The following FBXO31 variants were observed in gnomAD, a reference collection of about 807,000 sequenced individuals.
FBXO31 encodes F-box only protein 31.
Under a neutral mutation model 54.4 loss-of-function variants are expected in FBXO31, and 24 were observed. The observed-to-expected ratio is 0.44, with a 90% CI of 0.32 to 0.62. The LOEUF (loss-of-function observed/expected upper bound fraction) is 0.62. Among genes scored for constraint, FBXO31 ranks in the 20% least tolerant of loss-of-function variants. The probability of loss-of-function intolerance (pLI) is 0.05; values close to 1 mark genes in which losing one functional copy is unlikely to be tolerated. For synonymous variants in FBXO31, 388 were observed against 335.6 expected, an observed-to-expected ratio of 1.16 and a Z score of -1.71; for missense variants, 665 against 787.1, an observed-to-expected ratio of 0.84 and a Z score of 1.86.
chr16:87,333,774 C>T (rs1045413855), intron 8 of FBXO31, 112 bp downstream of exon 8: 5 of 1,471,214 alleles, frequency 3.4e-6, no homozygotes, highest in African/African-American at 2.9e-5. Flanking sequence ...CACCGGCTGC[C>T]GCCCTCTGTG....
At position 87,346,970 on chromosome 16, in the gene FBXO31, C is replaced by T. The variant is rs142633422; in HGVS notation, c.489+204G>A. Among the ~76,000 whole-genome samples, 930 of 152,300 alleles carry T rather than the reference C, an allele frequency of 6.1e-3. 8 individuals are homozygous for T. The highest frequency in any genetic ancestry group is 0.021 in the African/African-American group (874 of 41,560). On this transcript the variant is annotated intron_variant, in intron 3 of 8. Coordinates refer to ENST00000311635, the MANE Select transcript of FBXO31 (RefSeq NM_024735.5). This position sits in a 1 kb window ranked among gnomAD's most constrained non-coding sequence, Gnocchi z 4.2. ...AGAGTCCAAGGACGGGCCACAAGGC[C>T]GAAGTGTTGCTCTAAGCAAACCTTT...
At chr16:87,391,938 C>T (rs532466669), upstream of FBXO31, 333 of 154,330 alleles carry the variant, frequency 2.2e-3, 2 homozygotes, top group Non-Finnish European at 3.5e-3. Context: ...CATGTCCCTT[C>T]CTCTGACCCC....
intron 1 of FBXO31, among the ~76,000 whole-genome samples, chr16:87,382,154 A>C (rs888316476): frequency 6.6e-6 from 1 of 152,176 alleles, no homozygotes; most frequent in Non-Finnish European, 1.5e-5. Flanking sequence ...CATGGAAAAA[A>C]TGCAGACTTC....
Position 87,353,390 on chromosome 16 carries a change from G to A in FBXO31, c.413-6140C>T, listed in dbSNP as rs8057105. On this transcript the variant is annotated intron_variant, in intron 2 of 8. Transcript: ENST00000311635. ...CTGAGTGGTCTCCCTCAAAATTCAC[G>A]TCCCCTAGAACCTCAGAATGTGGCC... Among the ~76,000 whole-genome samples the A allele has an allele frequency of 8.8e-3, 1,337 of 152,292 alleles. 21 individuals are homozygous for A. Among genetic ancestry groups the A allele is most frequent in the African/African-American group, 0.029 (1,199 of 41,564 alleles).
rs1905988586 is a variant in FBXO31, at chr16:87,358,349, C to G, written c.412+1946G>C. 1 of 152,662 alleles carries G rather than the reference C, an allele frequency of 6.6e-6. No homozygotes were observed. The allele number at this position is 152,662 out of a possible 1,614,324, so 9.5% of individuals were successfully genotyped here. The stretch of plus-strand genomic sequence containing the variant: ...TCCCATGTGTGAATCAGAGGGCCCT[C>G]CCCATGCAGTTCTTGGCCGTGCTGG... On this transcript the variant is annotated intron_variant, in intron 2 of 8. Transcript: ENST00000311635. The surrounding 1 kb of genome is among the most constrained non-coding windows in gnomAD (Gnocchi z 4.0).
chr16:87,367,819 T>A (rs1330965132), intron 1 of FBXO31: 1 of 152,246 alleles, frequency 6.6e-6, no homozygotes, highest in African/African-American at 2.4e-5. Flanking sequence ...TTATGCCGCC[T>A]GAAGTCATAA....
chr16:87,390,732 A>C (rs1907505695), upstream of FBXO31, among the ~76,000 whole-genome samples: 1 of 151,908 alleles, frequency 6.6e-6, no homozygotes, highest in Non-Finnish European at 1.5e-5. Context: ...GAGTCGCCGC[A>C]CCTGGCGCGA....
In FBXO31 at chr16:87,365,510, C is replaced by T. The variant is rs552816344; in HGVS notation, c.341-5144G>A. On this transcript the variant is annotated intron_variant, in intron 1 of 8. Transcript: ENST00000311635. ...GCTCTGGGCGTGGTCCAGGGACCTG[C>T]AGCATGGCCTCCTTGGGAGCTCGGC... 4.6e-5 allele frequency among the ~76,000 whole-genome samples: 7 copies of T among 152,324 alleles called. No individual in the cohort carries two copies. The South Asian group carries it at 1.4e-3, about 32-fold the overall frequency.
intron 1 of FBXO31, among the ~76,000 whole-genome samples, chr16:87,373,653 C>T (rs1906700313): frequency 6.6e-6 from 1 of 152,004 alleles, no homozygotes; most frequent in Admixed American, 6.6e-5. Flanking sequence ...CTCCCTCAGC[C>T]TCCGGAGGAA....
chr16:87,372,101 G>A (rs1906628360), intron 1 of FBXO31, among the ~76,000 whole-genome samples: 1 of 152,046 alleles, frequency 6.6e-6, no homozygotes, highest in Non-Finnish European at 1.5e-5. Context: ...GCACATGCAT[G>A]TAGTCCTAGC....
At position 87,331,342 on chromosome 16, in the gene FBXO31, CGGCGCATCTGCGTTCCGGAAG is replaced by C; in HGVS notation, c.1545_1565del (p.Phe516_Pro522del). On this transcript the variant is annotated inframe_deletion, in exon 9 of 9. Transcript: ENST00000311635. ...GCATCTCATCGAAGGCCTGTGGGGA[CGGCGCATCTGCGTTCCGGAAG>C]GTGGCCTGGACCCGGCTGTACAGGC... is the stretch of plus-strand genomic sequence containing the variant. The C allele has an allele frequency of 6.2e-7, 1 of 1,613,990 alleles. No homozygotes were observed. Among genetic ancestry groups the C allele is most frequent in the Non-Finnish European group, 8.5e-7 (1 of 1,180,030 alleles).
upstream of FBXO31, among the ~76,000 whole-genome samples, chr16:87,386,771 C>G (rs750958): frequency 4.6e-5 from 7 of 152,150 alleles, 1 homozygote; most frequent in African/African-American, 1.7e-4. Context: ...GTAACTAGTA[C>G]ATCAGACTTA....
chr16:87,351,791 C>T (rs569441222), intron 2 of FBXO31, among the ~76,000 whole-genome samples: 9 of 152,240 alleles, frequency 5.9e-5, no homozygotes, highest in South Asian at 2.1e-4. Flanking sequence ...ATCGCTTGAA[C>T]CCAGGAGGCG....
At chr16:87,365,335 G>A (rs539424877) in intron 1 of FBXO31, among the ~76,000 whole-genome samples, 83 of 151,922 alleles carry the variant, frequency 5.5e-4, no homozygotes, top group Admixed American at 2.2e-3. Context: ...TTACTAACAC[G>A]TCCTAGATCC....
upstream of FBXO31, among the ~76,000 whole-genome samples, chr16:87,387,039 C>A (rs1656039665): frequency 6.6e-6 from 1 of 151,992 alleles, no homozygotes; most frequent in Non-Finnish European, 1.5e-5. Flanking sequence ...TGGCTCACAC[C>A]CAGAATCCCA....
chr16:87,391,232 A>T (rs1475264457), upstream of FBXO31, among the ~76,000 whole-genome samples: 5 of 152,106 alleles, frequency 3.3e-5, no homozygotes, highest in Non-Finnish European at 5.9e-5. Context: ...CCTTGAGCCC[A>T]GGCGACCGAG....
intron 2 of FBXO31, among the ~76,000 whole-genome samples, chr16:87,357,889 C>G (rs1273372850): frequency 6.6e-6 from 1 of 151,366 alleles, no homozygotes; most frequent in African/African-American, 2.4e-5. Flanking sequence ...TGCACTCCAG[C>G]TTGGGTGACA....
At position 87,374,501 on chromosome 16, in the gene FBXO31, ATG is replaced by A. The variant is rs543135937; in HGVS notation, c.340+8902_340+8903del. Among the ~76,000 whole-genome samples, 9 of 152,326 alleles carry A rather than the reference ATG, an allele frequency of 5.9e-5. No homozygotes were observed. The South Asian group carries it at 1.9e-3, about 32-fold the overall frequency. ...GGGCACGCGCAGCAGTTCCTACTGA[ATG>A]TGTGTCACTCTCATGCCAGCCGGAC... On this transcript the variant is annotated intron_variant, in intron 1 of 8. Coordinates refer to ENST00000311635, the MANE Select transcript of FBXO31 (RefSeq NM_024735.5).
chr16:87,357,784 T>C (rs1198346891), intron 2 of FBXO31, among the ~76,000 whole-genome samples: 1 of 151,938 alleles, frequency 6.6e-6, no homozygotes, highest in South Asian at 2.1e-4. Flanking sequence ...TACAAAAAAA[T>C]TTGCTGGGCA....
Sources: allele counts gnomAD v4.1 joint callset (sites outside exome capture counted in the v4.1 genomes callset), GRCh38; gene constraint gnomAD v4.1.1; non-coding constraint Gnocchi (gnomAD v3.1); transcripts MANE v1.5; gene names NCBI Gene and HGNC (gene_info 2026-07-23, HGNC 2026-07-21).